AGFG2: variants seen among roughly 807,000 people sequenced by gnomAD.
AGFG2 encodes the protein arf-GAP domain and FG repeat-containing protein 2.
Under a neutral mutation model 48.0 loss-of-function variants are expected in AGFG2, and 31 were observed. That is an observed-to-expected ratio of 0.65 (90% confidence interval 0.49 to 0.87). The LOEUF (loss-of-function observed/expected upper bound fraction) is 0.87. Among genes scored for constraint, AGFG2 ranks in the 40% least tolerant of loss-of-function variants. The pLI, the probability that AGFG2 is intolerant of heterozygous loss-of-function variation, is 0.00. For missense variants in AGFG2, 599 were observed against 632.6 expected, an observed-to-expected ratio of 0.95 and a Z score of 0.57; for synonymous variants, 229 against 260.8, an observed-to-expected ratio of 0.88 and a Z score of 1.18.
At chr7:100,543,169 T>G (rs2131100778) in intron 1 of AGFG2, among the ~76,000 whole-genome samples, 1 of 152,254 alleles carries the variant, frequency 6.6e-6, no homozygotes, top group East Asian at 1.9e-4. Flanking sequence ...TTTCAAGCGA[T>G]TCTCCTGCCT....
At chr7:100,555,263 G>GTTTTTT (rs1166680394) in intron 5 of AGFG2, among the ~76,000 whole-genome samples, 15 of 75,178 alleles carry the variant, frequency 2.0e-4, no homozygotes, top group Non-Finnish European at 2.5e-4. Flanking sequence ...TGTGTGTGTG[G>GTTTTTT]TTTTTTTTTT....
intron 6 of AGFG2, among the ~76,000 whole-genome samples, chr7:100,559,553 A>G (rs1584390056): frequency 6.6e-6 from 1 of 152,234 alleles, no homozygotes; most frequent in African/African-American, 2.4e-5. Context: ...GTGGTGGCTC[A>G]TGCCTGTAAT....
chr7:100,562,401 TCTG>T lies in AGFG2; in HGVS notation c.998+26_998+28del, dbSNP rs1410148051. On this transcript the variant is annotated intron_variant, in intron 7 of 11. Transcript: ENST00000300176. The surrounding 1 kb of genome is among the most constrained non-coding windows in gnomAD (Gnocchi z 5.4). ...GCAGGTAGGTACAGACAGTGGGCAG[TCTG>T]CTGTAGGGCAGGAGAGCCGCCCGAA... 6.2e-7 allele frequency: 1 copy of T among 1,612,430 alleles called. No individual in the cohort carries two copies. The highest frequency in any genetic ancestry group is 1.3e-5 in the African/African-American group (1 of 74,862).
At position 100,555,592 on chromosome 7, in the gene AGFG2, T is replaced by C. The variant is rs1250683626; in HGVS notation, c.752-18T>C. ...CCGACAATTTTCTATATAACCTTTA[T>C]GTTTCTTCCACCTACAGGCCAGACA... On this transcript the variant is annotated intron_variant, in intron 5 of 11. Coordinates refer to ENST00000300176, the MANE Select transcript of AGFG2 (RefSeq NM_006076.5). 6.2e-7 allele frequency: 1 copy of C among 1,611,310 alleles called. No individual in the cohort carries two copies. Among genetic ancestry groups the C allele is most frequent in the Non-Finnish European group, 8.5e-7 (1 of 1,178,116 alleles).
At chr7:100,551,700 A>G (rs906438669) in intron 3 of AGFG2, among the ~76,000 whole-genome samples, 1 of 150,758 alleles carries the variant, frequency 6.6e-6, no homozygotes, top group Non-Finnish European at 1.5e-5. Flanking sequence ...CCTGGCCAAC[A>G]TGGTGAAACC....
rs1160668856 is a variant in AGFG2, at chr7:100,565,526, C to G, written c.*535C>G. ...CCCCATTGTTTTGCTTCCCCAGCGC[C>G]CAGGATGAGCGGTTTACCATCGAGC... On this transcript the variant is annotated 3_prime_UTR_variant, in exon 12 of 12. Transcript: ENST00000300176. 1 of 154,164 alleles carries G rather than the reference C, an allele frequency of 6.5e-6. No homozygotes were observed. Among genetic ancestry groups the G allele is most frequent in the Non-Finnish European group, 1.4e-5 (1 of 69,164 alleles). 9.5% of individuals were successfully genotyped at this position (154,164 alleles called of 1,614,324 possible). A position where few individuals can be genotyped will look rare whatever the true frequency, so the allele number is the denominator to read the frequency against.
intron 6 of AGFG2, 78 bp downstream of exon 6, chr7:100,555,813 C>T (rs1800749193): frequency 6.4e-7 from 1 of 1,566,878 alleles, no homozygotes; most frequent in Non-Finnish European, 8.7e-7. Context: ...CATTCATATC[C>T]TCACTATCCT....
rs73154902 is a variant in AGFG2, at chr7:100,562,471, A to G, written c.998+92A>G. 108,237 of 1,598,288 alleles carry G rather than the reference A, an allele frequency of 0.068. 4,179 individuals carry two copies. The highest frequency in any genetic ancestry group is 0.14 in the African/African-American group (10,769 of 74,692). On this transcript the variant is annotated intron_variant, in intron 7 of 11. Transcript: ENST00000300176. The surrounding 1 kb of genome is among the most constrained non-coding windows in gnomAD (Gnocchi z 5.4). ...CCCAGCCCCATCGGCATCTCCTGGC[A>G]GTTCTCCCCTCCCCTCCTCTCCCTT...
In AGFG2 at chr7:100,566,336, T is replaced by A. The variant is rs1394267928; in HGVS notation, c.*1345T>A. 6.6e-6 allele frequency: 1 copy of A among 152,236 alleles called. No individual in the cohort carries two copies. The highest frequency in any genetic ancestry group is 1.5e-5 in the Non-Finnish European group (1 of 68,060). 9.4% of individuals were successfully genotyped at this position (152,236 alleles called of 1,614,324 possible). A position where few individuals can be genotyped will look rare whatever the true frequency, so the allele number is the denominator to read the frequency against. ...GGAACATTCTCTGCCCCAGGCTCTT[T>A]CCACCTGGGGATGTTGTGACAACAT... is the stretch of plus-strand genomic sequence containing the variant. On this transcript the variant is annotated 3_prime_UTR_variant, in exon 12 of 12. Coordinates refer to ENST00000300176, the MANE Select transcript of AGFG2 (RefSeq NM_006076.5).
chr7:100,562,285 G>A lies in AGFG2; in HGVS notation c.904G>A (p.Ala302Thr). The A allele has an allele frequency of 1.9e-6, 3 of 1,613,206 alleles. No individual in the cohort carries two copies. The highest frequency in any genetic ancestry group is 2.5e-6 in the Non-Finnish European group (3 of 1,179,980). The change falls in exon 7 of 12, where the codon GCC (alanine) becomes ACC (threonine). Residue 302 changes from alanine to threonine, a missense_variant. By Grantham distance (58) the Ala-to-Thr change is moderately conservative. Transcript: ENST00000300176. This position sits in a 1 kb window ranked among gnomAD's most constrained non-coding sequence, Gnocchi z 5.4. ...AGSSQGTPFG[A>T]TPLAPASQPN... ...GAGCAGCCAGGGGACTCCATTTGGT[G>A]CCACTCCCCTGGCACCCGCCAGTCA...
chr7:100,559,868 G>A (rs1408232104), intron 6 of AGFG2, among the ~76,000 whole-genome samples: 2 of 152,052 alleles, frequency 1.3e-5, no homozygotes, highest in Non-Finnish European at 2.9e-5. Context: ...AGGAGTGCAG[G>A]TGTTTCTTGG....
At chr7:100,548,698 G>A in intron 1 of AGFG2, 124 bp from the exon 2 acceptor site, 1 of 658,550 alleles carries the variant, frequency 1.5e-6, no homozygotes, top group Non-Finnish European at 2.7e-6. Context: ...AGATGGGGGG[G>A]TTCTATCTGA....
intron 5 of AGFG2, among the ~76,000 whole-genome samples, chr7:100,555,262 G>GTTTT (rs1462102629): frequency 1.6e-5 from 2 of 127,890 alleles, no homozygotes; most frequent in Non-Finnish European, 3.3e-5. Flanking sequence ...GTGTGTGTGT[G>GTTTT]GTTTTTTTTT....
Position 100,565,055 on chromosome 7 carries a change from T to G in AGFG2, c.*64T>G, listed in dbSNP as rs1279666212. The G allele has an allele frequency of 1.3e-6, 2 of 1,538,318 alleles. No homozygotes were observed. The highest frequency in any genetic ancestry group is 2.7e-5 in the African/African-American group (2 of 73,280). On this transcript the variant is annotated 3_prime_UTR_variant, in exon 12 of 12. Transcript: ENST00000300176. The stretch of plus-strand genomic sequence containing the variant: ...GCCCCTCTGCTCCCTAGAGCTCTGG[T>G]GACCACTTGCCTGTGGGCATTTCTA...
At chr7:100,546,689 T>C (rs1344029144) in intron 1 of AGFG2, among the ~76,000 whole-genome samples, 1 of 152,160 alleles carries the variant, frequency 6.6e-6, no homozygotes, top group Non-Finnish European at 1.5e-5. Context: ...GACAATGAGG[T>C]CTGGCTAGAC....
chr7:100,561,530 G>A (rs1338762323), intron 6 of AGFG2, among the ~76,000 whole-genome samples: 1 of 152,254 alleles, frequency 6.6e-6, no homozygotes, highest in Non-Finnish European at 1.5e-5. Flanking sequence ...GCAGACAGGA[G>A]GCTTTCTTAA....
chr7:100,549,292 A>G (rs1171086262), intron 2 of AGFG2, among the ~76,000 whole-genome samples: 2 of 152,116 alleles, frequency 1.3e-5, no homozygotes, highest in Non-Finnish European at 2.9e-5. Context: ...ATTTAAGTGC[A>G]TATCTTGTAC....
intron 11 of AGFG2, 109 bp from the exon 12 acceptor site, chr7:100,564,823 A>T: frequency 7.9e-7 from 1 of 1,263,460 alleles, no homozygotes; most frequent in Non-Finnish European, 1.2e-6. Flanking sequence ...TCACTTTCCC[A>T]CTGCCCTCAG....
chr7:100,551,958 A>G (rs1299666115), intron 3 of AGFG2, among the ~76,000 whole-genome samples: 1 of 151,370 alleles, frequency 6.6e-6, no homozygotes, highest in Non-Finnish European at 1.5e-5. Context: ...AATAATACAA[A>G]TAAGGCCAGG....
Sources: gnomAD v4.1 joint callset for allele counts (sites outside exome capture counted in the v4.1 genomes callset) on GRCh38, gnomAD v4.1.1 for gene constraint, Gnocchi (gnomAD v3.1) non-coding constraint, MANE v1.5 for transcripts, NCBI Gene and HGNC (gene_info 2026-07-23, HGNC 2026-07-21) for gene names.